NIBAN2: variants seen among roughly 807,000 people sequenced by gnomAD.
The protein encoded by NIBAN2 is niban apoptosis regulator 2.
A neutral mutation model predicts 81.8 loss-of-function variants in NIBAN2; 36 were observed. That is an observed-to-expected ratio of 0.44 (90% CI 0.34 to 0.58). The LOEUF (loss-of-function observed/expected upper bound fraction) is 0.58, where lower values mean the gene tolerates loss of function less well. NIBAN2 is among the 20% of genes least tolerant of loss of function. The pLI, the probability that NIBAN2 is intolerant of heterozygous loss-of-function variation, is 0.02. For synonymous variants in NIBAN2, 445 were observed against 441.6 expected, an observed-to-expected ratio of 1.01 and a Z score of -0.10; for missense variants, 897 against 1,014.1, an observed-to-expected ratio of 0.88 and a Z score of 1.57.
Position 127,517,814 on chromosome 9 carries a change from G to A in NIBAN2, c.705+12C>T, listed in dbSNP as rs770835671. 1.1e-5 allele frequency: 18 copies of A among 1,602,896 alleles called. No homozygotes were observed. Among genetic ancestry groups the A allele is most frequent in the African/African-American group, 6.7e-5 (5 of 74,622 alleles). ...ACTTCTGAGGTTTCCTCACCAGCCC[G>A]TCTGGCCTCACCTGCACCTCGTTCC... On this transcript the variant is annotated intron_variant, in intron 6 of 13. Transcript: ENST00000373312. This position sits in a 1 kb window ranked among gnomAD's most constrained non-coding sequence, Gnocchi z 4.0.
At position 127,518,813 on chromosome 9, in the gene NIBAN2, G is replaced by C. The variant is rs564472345; in HGVS notation, c.590-872C>G. 2.0e-5 allele frequency among the ~76,000 whole-genome samples: 3 copies of C among 152,276 alleles called. No individual in the cohort carries two copies. The East Asian group carries it at 5.8e-4, about 29-fold the overall frequency. ...GAGGAGCCAGCTGCCTGCCCCACTG[G>C]GCCCGGGGTCTGTCCTGTTACTGCT... On this transcript the variant is annotated intron_variant, in intron 5 of 13. Transcript: ENST00000373312.
At chr9:127,556,819 G>A (rs1837680547) in intron 1 of NIBAN2, among the ~76,000 whole-genome samples, 1 of 152,122 alleles carries the variant, frequency 6.6e-6, no homozygotes, top group Non-Finnish European at 1.5e-5. Flanking sequence ...TCAAACACCT[G>A]TAATCCCAGC....
At chr9:127,524,980 G>A (rs1837032794) in intron 4 of NIBAN2, 78 bp downstream of exon 4, 1 of 1,088,060 alleles carries the variant, frequency 9.2e-7, no homozygotes, top group Non-Finnish European at 1.4e-6. Context: ...GAAAGCAATG[G>A]GCTCAGGGCC....
chr9:127,547,690 A>G (rs1195976802), intron 1 of NIBAN2, among the ~76,000 whole-genome samples: 1 of 151,740 alleles, frequency 6.6e-6, no homozygotes, highest in Non-Finnish European at 1.5e-5. Context: ...ATACAAAAGT[A>G]GCCAGGTGTG....
At position 127,522,916 on chromosome 9, in the gene NIBAN2, C is replaced by T. The variant is rs193004502; in HGVS notation, c.589+763G>A. Among the ~76,000 whole-genome samples the T allele has an allele frequency of 2.1e-4, 32 of 151,974 alleles. No individual in the cohort carries two copies. In the East Asian group the frequency reaches 5.9e-3, roughly 28 times the overall value. ...AGCACCCAGCACAGCTGTGAGCCAT[C>T]GTGCTGGCATCCTCATCTGTCTATC... is the stretch of plus-strand genomic sequence containing the variant. On this transcript the variant is annotated intron_variant, in intron 5 of 13. Coordinates refer to ENST00000373312, the MANE Select transcript of NIBAN2 (RefSeq NM_022833.4).
rs372478383 is a variant in NIBAN2 at position 127,525,182 on chromosome 9, A to C, written c.316-19T>G. 211 of 1,592,420 alleles carry C rather than the reference A, an allele frequency of 1.3e-4. No individual in the cohort carries two copies. Among genetic ancestry groups the C allele is most frequent in the Non-Finnish European group, 1.7e-4 (194 of 1,160,780 alleles). On this transcript the variant is annotated intron_variant, in intron 3 of 13. Transcript: ENST00000373312. ...CATAGGCCTGAGGGAGGCAAGAGAGAGGGTCCCTGAGGGTTAAGGTGCGGC... is the reference window on the plus strand; with the variant it reads ...CATAGGCCTGAGGGAGGCAAGAGAGCGGGTCCCTGAGGGTTAAGGTGCGGC...
At chr9:127,562,145 T>C (rs1837785220) in intron 1 of NIBAN2, among the ~76,000 whole-genome samples, 1 of 152,092 alleles carries the variant, frequency 6.6e-6, no homozygotes, top group Admixed American at 6.6e-5. Context: ...GTGCAACCTA[T>C]GGGAGGGAGA....
chr9:127,569,371 C>A (rs2132244564), upstream of NIBAN2, among the ~76,000 whole-genome samples: 1 of 151,820 alleles, frequency 6.6e-6, no homozygotes, highest in South Asian at 2.1e-4. Context: ...AAAGGGAGAC[C>A]GCGGAGAGAC....
At position 127,505,982 on chromosome 9, in the gene NIBAN2, C is replaced by A. The variant is rs1836586182; in HGVS notation, c.*863G>T. On this transcript the variant is annotated 3_prime_UTR_variant, in exon 14 of 14. Transcript: ENST00000373312. ...GAAGACAGAACCCAGCCCCATTACA[C>A]CCCTTGCTGCCGCTCCATCCCCAAC... 1 of 152,500 alleles carries A rather than the reference C, an allele frequency of 6.6e-6. No individual in the cohort carries two copies. The highest frequency in any genetic ancestry group is 6.5e-5 in the Admixed American group (1 of 15,296). 9.4% of individuals were successfully genotyped at this position (152,500 alleles called of 1,614,324 possible).
In NIBAN2 at chr9:127,507,071, A is replaced by G; in HGVS notation, c.2015T>C (p.Leu672Pro). The change falls in exon 14 of 14, where the codon CTG becomes CCG. Residue 672 changes from leucine (L) to proline (P), a missense_variant. Coordinates refer to ENST00000373312, the MANE Select transcript of NIBAN2 (RefSeq NM_022833.4). The surrounding 1 kb of genome is among the most constrained non-coding windows in gnomAD (Gnocchi z 6.8). ...CTCCCCAGCGGGGGCCCCGTTGAGC[A>G]GGGGGCCGGCTGGTGGGGGGCTCTC... ...RPESPPPAGPLLNGAPAGESP... is the reference protein window; with the variant it reads ...RPESPPPAGPPLNGAPAGESP... 3.2e-6 allele frequency: 5 copies of G among 1,575,912 alleles called. No individual in the cohort carries two copies. The highest frequency in any genetic ancestry group is 4.3e-6 in the Non-Finnish European group (5 of 1,160,582).
At position 127,508,941 on chromosome 9, in the gene NIBAN2, A is replaced by G; in HGVS notation, c.1317+35T>C. ...AGGGGGCCTGTGGAAGGCAGTGGAC[A>G]GGGTGTGGGGTGGGGGTCGTAGCCT... is the stretch of plus-strand genomic sequence containing the variant. On this transcript the variant is annotated intron_variant, in intron 10 of 13. Coordinates refer to ENST00000373312, the MANE Select transcript of NIBAN2 (RefSeq NM_022833.4). This position sits in a 1 kb window ranked among gnomAD's most constrained non-coding sequence, Gnocchi z 6.4. 6.2e-7 allele frequency: 1 copy of G among 1,612,030 alleles called. No individual in the cohort carries two copies.
intron 8 of NIBAN2, among the ~76,000 whole-genome samples, chr9:127,511,347 C>A (rs377719190): frequency 6.6e-6 from 1 of 152,050 alleles, no homozygotes; most frequent in East Asian, 1.9e-4. Flanking sequence ...CGCGCTCAGC[C>A]CCCATCAATA....
chr9:127,575,213 C>T (rs1837993705), intron 1 of NIBAN2, among the ~76,000 whole-genome samples: 1 of 148,240 alleles, frequency 6.7e-6, no homozygotes, highest in African/African-American at 2.5e-5. Context: ...CACCTCACAG[C>T]TTATGAAATA....
chr9:127,556,245 C>A (rs1453204824), intron 1 of NIBAN2, among the ~76,000 whole-genome samples: 1 of 152,214 alleles, frequency 6.6e-6, no homozygotes, highest in Non-Finnish European at 1.5e-5. Flanking sequence ...CACATGGCTT[C>A]GTGCCTGCGG....
Position 127,508,226 on chromosome 9 carries a change from T to C in NIBAN2, c.1435-26A>G, listed in dbSNP as rs765893028. 5.7e-6 allele frequency: 9 copies of C among 1,584,036 alleles called. No individual in the cohort carries two copies. Among genetic ancestry groups the C allele is most frequent in the Non-Finnish European group, 7.8e-6 (9 of 1,154,744 alleles). ...CTGCAGGGAACAAGGGGGTCGGGGGTCTGCAGGTCAGTGGGCTCCATTGGC... is the reference window on the plus strand; with the variant it reads ...CTGCAGGGAACAAGGGGGTCGGGGGCCTGCAGGTCAGTGGGCTCCATTGGC... On this transcript the variant is annotated intron_variant, in intron 11 of 13. Transcript: ENST00000373312. The surrounding 1 kb of genome is among the most constrained non-coding windows in gnomAD (Gnocchi z 6.4).
rs1564301377 is a variant in NIBAN2, at chr9:127,523,195, ATATATATATATATATATAT to A, written c.589+465_589+483del. On this transcript the variant is annotated intron_variant, in intron 5 of 13. Transcript: ENST00000373312. ...AAAAAAAAAAAAAAAAAAAAAAAAT[ATATATATATATATATATAT>A]ATATATATATATATATATATATATA... 9.0e-3 allele frequency among the ~76,000 whole-genome samples: 41 copies of A among 4,562 alleles called. 11 individuals carry two copies. The highest frequency in any genetic ancestry group is 0.012 in the Non-Finnish European group (30 of 2,476). 3.0% of individuals were successfully genotyped at this position (4,562 alleles called of 152,430 possible).
At position 127,517,297 on chromosome 9, in the gene NIBAN2, G is replaced by A; in HGVS notation, c.706-81C>T. On this transcript the variant is annotated intron_variant, in intron 6 of 13. Coordinates refer to ENST00000373312, the MANE Select transcript of NIBAN2 (RefSeq NM_022833.4). The surrounding 1 kb of genome is among the most constrained non-coding windows in gnomAD (Gnocchi z 4.0). ...TTTCTCTCTGCATTCCCACAAGCCA[G>A]GCCGCTGCAGCCCCCACCTCCTCCG... The A allele has an allele frequency of 8.3e-7, 1 of 1,206,328 alleles. No individual in the cohort carries two copies. Among genetic ancestry groups the A allele is most frequent in the Non-Finnish European group, 1.2e-6 (1 of 838,176 alleles). The allele number at this position is 1,206,328 out of a possible 1,614,324, so 74.7% of individuals were successfully genotyped here.
chr9:127,565,254 G>A (rs898255159), intron 1 of NIBAN2, among the ~76,000 whole-genome samples: 1 of 151,954 alleles, frequency 6.6e-6, no homozygotes, highest in Non-Finnish European at 1.5e-5. Flanking sequence ...GAGCCACCAC[G>A]CCTGGCCTGT....
chr9:127,576,531 T>C (rs1364772961), intron 1 of NIBAN2, among the ~76,000 whole-genome samples: 3 of 152,116 alleles, frequency 2.0e-5, no homozygotes, highest in Non-Finnish European at 2.9e-5. Flanking sequence ...CAGTGCTTTA[T>C]AGCTTCTGCC....
Sources: allele counts gnomAD v4.1 joint callset (sites outside exome capture counted in the v4.1 genomes callset), GRCh38; gene constraint gnomAD v4.1.1; non-coding constraint Gnocchi (gnomAD v3.1); transcripts MANE v1.5; gene names NCBI Gene and HGNC (gene_info 2026-07-23, HGNC 2026-07-21).